The following SLC4A5 variants were observed in gnomAD, a reference collection of about 807,000 sequenced individuals.
SLC4A5 encodes electrogenic sodium bicarbonate cotransporter 4.
Under a neutral mutation model 120.4 loss-of-function variants are expected in SLC4A5, and 96 were observed. The ratio of observed to expected loss-of-function variants is 0.80; its 90% CI spans 0.68 to 0.94. SLC4A5 has a LOEUF of 0.94. SLC4A5 is among the 40% of genes least tolerant of loss of function. The pLI, the probability that SLC4A5 is intolerant of heterozygous loss-of-function variation, is 0.00. For missense variants in SLC4A5, 1,259 were observed against 1,459.5 expected, an observed-to-expected ratio of 0.86 and a Z score of 2.24; for synonymous variants, 550 against 571.1, an observed-to-expected ratio of 0.96 and a Z score of 0.53.
At chr2:74,312,970 TA>T (rs1672853612) in intron 6 of SLC4A5, among the ~76,000 whole-genome samples, 1 of 151,174 alleles carries the variant, frequency 6.6e-6, no homozygotes, top group African/African-American at 2.4e-5. Flanking sequence ...ATCAGTGAAT[TA>T]ATATCTACCA....
chr2:74,309,977 T>G (rs1486096326), intron 6 of SLC4A5, among the ~76,000 whole-genome samples: 1 of 152,186 alleles, frequency 6.6e-6, no homozygotes, highest in Non-Finnish European at 1.5e-5. Context: ...ATTTTTTCAT[T>G]TACTTAGATC....
intron 8 of SLC4A5, among the ~76,000 whole-genome samples, chr2:74,270,498 C>A (rs1303041874): frequency 6.6e-6 from 1 of 152,100 alleles, no homozygotes. Context: ...ATGGTGAAAC[C>A]CTGTCTCTAC....
intron 8 of SLC4A5, among the ~76,000 whole-genome samples, chr2:74,278,427 G>T (rs1558891799): frequency 6.6e-6 from 1 of 152,176 alleles, no homozygotes; most frequent in East Asian, 1.9e-4. Flanking sequence ...TGCTTCCCCT[G>T]TCTGATTGCA....
At chr2:74,309,965 A>C (rs1336239299) in intron 6 of SLC4A5, among the ~76,000 whole-genome samples, 2 of 151,958 alleles carry the variant, frequency 1.3e-5, no homozygotes, top group African/African-American at 4.8e-5. Context: ...CCTGGCCAAA[A>C]TATTTTTTCA....
Position 74,259,368 on chromosome 2 carries a change from A to G in SLC4A5, c.867+220T>C, listed in dbSNP as rs528105689. Among the ~76,000 whole-genome samples the G allele has an allele frequency of 4.6e-5, 7 of 152,204 alleles. No homozygotes were observed. In the South Asian group the frequency reaches 1.5e-3, roughly 32 times the overall value. On this transcript the variant is annotated intron_variant, in intron 12 of 30. Coordinates refer to ENST00000394019, the Ensembl canonical transcript of SLC4A5. ...ATCATGTTCTCTGTCCCACACCCCC[A>G]GGGCCTGACACAGAGCCAGCACCTG...
At chr2:74,256,321 C>T (rs1202177154) in intron 12 of SLC4A5, among the ~76,000 whole-genome samples, 1 of 152,208 alleles carries the variant, frequency 6.6e-6, no homozygotes, top group African/African-American at 2.4e-5. Flanking sequence ...GCCACCCAGA[C>T]CTCCCCTCTC....
intron 25 of SLC4A5, among the ~76,000 whole-genome samples, chr2:74,230,509 C>G (rs1670038980): frequency 6.6e-6 from 1 of 152,060 alleles, no homozygotes; most frequent in Non-Finnish European, 1.5e-5. Flanking sequence ...CCTGAGTAGC[C>G]GGACTACAGG....
intron 2 of SLC4A5, among the ~76,000 whole-genome samples, chr2:74,340,063 T>C (rs988270789): frequency 2.6e-5 from 4 of 152,184 alleles, no homozygotes; most frequent in South Asian, 2.1e-4. Context: ...TAGTGTTTAA[T>C]GGGTATAAAG....
rs1277830748 is a variant in SLC4A5, at chr2:74,255,469, A to T, written c.1025+306T>A. Among the ~76,000 whole-genome samples the T allele has an allele frequency of 6.6e-6, 1 of 151,264 alleles. No homozygotes were observed. Reference sequence around the variant, plus strand: ...CACCACACCTGGCTAATTTTTTTGTATTTTTAGTAGAGACGGGGTTTCACC... The same window carrying T: ...CACCACACCTGGCTAATTTTTTTGTTTTTTTAGTAGAGACGGGGTTTCACC... On this transcript the variant is annotated intron_variant, in intron 13 of 30. Transcript: ENST00000394019. The surrounding 1 kb of genome is among the most constrained non-coding windows in gnomAD (Gnocchi z 4.0).
chr2:74,321,853 T>G (rs1406320364), intron 5 of SLC4A5, among the ~76,000 whole-genome samples: 1 of 151,970 alleles, frequency 6.6e-6, no homozygotes, highest in African/African-American at 2.4e-5. Context: ...GTATTCTGGT[T>G]GCCCTTAGCC....
At chr2:74,296,813 C>G (rs896117053) in intron 7 of SLC4A5, among the ~76,000 whole-genome samples, 1 of 150,706 alleles carries the variant, frequency 6.6e-6, no homozygotes, top group African/African-American at 2.4e-5. Flanking sequence ...AAAAGAAAGC[C>G]AGTTGTCTTT....
chr2:74,267,951 C>T (rs1158611121), intron 8 of SLC4A5, among the ~76,000 whole-genome samples: 1 of 151,122 alleles, frequency 6.6e-6, no homozygotes, highest in African/African-American at 2.4e-5. Context: ...CACCACTGCA[C>T]TCCAGCCTGG....
chr2:74,330,006 T>C (rs1394078402), intron 4 of SLC4A5, among the ~76,000 whole-genome samples: 2 of 150,894 alleles, frequency 1.3e-5, no homozygotes, highest in African/African-American at 4.9e-5. Context: ...GTATACATGG[T>C]GATGAGGTGT....
At chr2:74,276,258 T>A (rs554429758) in intron 8 of SLC4A5, among the ~76,000 whole-genome samples, 2 of 152,312 alleles carry the variant, frequency 1.3e-5, no homozygotes, top group East Asian at 3.9e-4. Flanking sequence ...GGCCATTAAC[T>A]GAACATGTTT....
chr2:74,292,416 C>G (rs1672202034), intron 7 of SLC4A5, among the ~76,000 whole-genome samples: 1 of 152,212 alleles, frequency 6.6e-6, no homozygotes, highest in Admixed American at 6.5e-5. Flanking sequence ...TAGCTCACCA[C>G]ATGCTGGGCC....
In SLC4A5 at chr2:74,252,967, T is replaced by C. The variant is rs767197503; in HGVS notation, c.1268+7A>G. Reference sequence around the variant, plus strand: ...TTTCTCTCCCTACTGCCCATTCTCATACACACCTCTTGTCAGCAGAGGGCA... The same window carrying C: ...TTTCTCTCCCTACTGCCCATTCTCACACACACCTCTTGTCAGCAGAGGGCA... On this transcript the variant is annotated splice_region_variant and intron_variant, in intron 15 of 30. Transcript: ENST00000394019. The C allele has an allele frequency of 6.2e-6, 10 of 1,614,170 alleles. No individual in the cohort carries two copies. The highest frequency in any genetic ancestry group is 2.7e-5 in the African/African-American group (2 of 75,032).
chr2:74,235,773 C>G (rs943163020), intron 21 of SLC4A5, among the ~76,000 whole-genome samples: 2 of 152,066 alleles, frequency 1.3e-5, no homozygotes, highest in African/African-American at 2.4e-5. Flanking sequence ...TCAAGAGGCC[C>G]TTCCTAGGCC....
At chr2:74,231,403 C>T (rs1670076160) in intron 24 of SLC4A5, 95 bp from the exon 25 acceptor site, 3 of 1,174,360 alleles carry the variant, frequency 2.6e-6, no homozygotes, top group Non-Finnish European at 3.6e-6. Context: ...AAGCTTGTGT[C>T]CAAGGCCATG....
Position 74,255,417 on chromosome 2 carries a change from C to A in SLC4A5, c.1025+358G>T, listed in dbSNP as rs565953253. Among the ~76,000 whole-genome samples, 1 of 152,008 alleles carries A rather than the reference C, an allele frequency of 6.6e-6. No homozygotes were observed. Among genetic ancestry groups the A allele is most frequent in the African/African-American group, 2.4e-5 (1 of 41,378 alleles). ...AAGTGATTCTCCTGCCTCAGCCTCCCGAGGAGCTGGGATTACAGGCGCGTA... is the reference window on the plus strand; with the variant it reads ...AAGTGATTCTCCTGCCTCAGCCTCCAGAGGAGCTGGGATTACAGGCGCGTA... On this transcript the variant is annotated intron_variant, in intron 13 of 30. Coordinates refer to ENST00000394019, the Ensembl canonical transcript of SLC4A5. This position sits in a 1 kb window ranked among gnomAD's most constrained non-coding sequence, Gnocchi z 4.0.
Sources: allele counts gnomAD v4.1 joint callset (sites outside exome capture counted in the v4.1 genomes callset), GRCh38; gene constraint gnomAD v4.1.1; non-coding constraint Gnocchi (gnomAD v3.1); transcripts MANE v1.5; gene names NCBI Gene and HGNC (gene_info 2026-07-23, HGNC 2026-07-21).